RNU1-1: variants seen among roughly 807,000 people sequenced by gnomAD.
RNU1-1 encodes RNA, U1A small nuclear.
chr1:16,514,268 C>G (rs531609336), exon 1 of RNU1-1: 3 of 835,728 alleles, frequency 3.6e-6, no homozygotes, highest in South Asian at 1.1e-4. Context: ...CATGGTATCT[C>G]CCCTGCCAGG....
chr1:16,514,186 G>T (rs2087493329), exon 1 of RNU1-1: 1 of 152,852 alleles, frequency 6.5e-6, no homozygotes. Flanking sequence ...CCCACATTTG[G>T]GGAAATCGCA....
rs1260263443 is a variant in RNU1-1, at chr1:16,514,257, T to C, written n.29A>G. 4.6e-5 allele frequency: 32 copies of C among 688,472 alleles called. No homozygotes were observed. The South Asian group carries it at 1.4e-3, about 29-fold the overall frequency. The allele number at this position is 688,472 out of a possible 1,614,324, so 42.6% of individuals were successfully genotyped here. On this transcript the variant is annotated non_coding_transcript_exon_variant, in exon 1 of 1. Transcript: ENST00000383925. ...CGCCCTGGGAAAACCACCTTCGTGA[T>C]CATGGTATCTCCCCTGCCAGGTAAG...
chr1:16,514,194 G>C (rs374707028), exon 1 of RNU1-1: 1 of 153,102 alleles, frequency 6.5e-6, no homozygotes, highest in African/African-American at 2.4e-5. Context: ...TGGGGAAATC[G>C]CAGGGGTCAG....
chr1:16,514,270 C>T (rs58345664), exon 1 of RNU1-1: 61 of 856,594 alleles, frequency 7.1e-5, no homozygotes, highest in Middle Eastern at 5.8e-4. Context: ...TGGTATCTCC[C>T]CTGCCAGGTA....
At chr1:16,514,255 G>T (rs578141853) in exon 1 of RNU1-1, 5 of 668,798 alleles carry the variant, frequency 7.5e-6, no homozygotes, top group East Asian at 1.4e-4. Flanking sequence ...CCACCTTCGT[G>T]ATCATGGTAT....
chr1:16,514,182 T>C (rs1256955924), exon 1 of RNU1-1: 3 of 152,748 alleles, frequency 2.0e-5, no homozygotes, highest in African/African-American at 4.8e-5. Flanking sequence ...GTTTCCCACA[T>C]TTGGGGAAAT....
chr1:16,514,141 AGT>A (rs1300010004), exon 1 of RNU1-1: 1 of 152,372 alleles, frequency 6.6e-6, no homozygotes, highest in African/African-American at 2.4e-5. Flanking sequence ...GCGCGAACGC[AGT>A]CCCCCACTAC....
At chr1:16,514,272 T>G (rs1431415962) in exon 1 of RNU1-1, 2 of 882,052 alleles carry the variant, frequency 2.3e-6, no homozygotes, top group African/African-American at 1.8e-5. Flanking sequence ...GTATCTCCCC[T>G]GCCAGGTAAG....
rs1222052660 is a variant in RNU1-1 at position 16,514,265 on chromosome 1, T to C, written n.21A>G. The C allele has an allele frequency of 7.0e-5, 55 of 789,858 alleles. 1 individual carries two copies. The highest frequency in any genetic ancestry group is 2.3e-4 in the South Asian group (4 of 17,398). 48.9% of individuals were successfully genotyped at this position (789,858 alleles called of 1,614,324 possible). A position where few individuals can be genotyped will look rare whatever the true frequency, so the allele number is the denominator to read the frequency against. On this transcript the variant is annotated non_coding_transcript_exon_variant, in exon 1 of 1. Coordinates refer to ENST00000383925, the Ensembl canonical transcript of RNU1-1. ...GAAAACCACCTTCGTGATCATGGTATCTCCCCTGCCAGGTAAGTATGAAAC... is the reference window on the plus strand; with the variant it reads ...GAAAACCACCTTCGTGATCATGGTACCTCCCCTGCCAGGTAAGTATGAAAC...
exon 1 of RNU1-1, chr1:16,514,171 A>G (rs1393133923): frequency 2.0e-5 from 3 of 152,616 alleles, no homozygotes; most frequent in East Asian, 1.9e-4. Context: ...TATGCAGTCG[A>G]GTTTCCCACA....
chr1:16,514,263 T>G, exon 1 of RNU1-1: 1 of 753,606 alleles, frequency 1.3e-6, no homozygotes, highest in Non-Finnish European at 1.6e-6. Context: ...GTGATCATGG[T>G]ATCTCCCCTG....
exon 1 of RNU1-1, chr1:16,514,246 C>G: frequency 3.8e-6 from 2 of 529,002 alleles, no homozygotes; most frequent in Non-Finnish European, 4.8e-6. Flanking sequence ...CTGGGAAAAC[C>G]ACCTTCGTGA....
rs1438545590 is a variant in RNU1-1 at position 16,514,275 on chromosome 1, C to T, written n.11G>A. 3.2e-5 allele frequency: 29 copies of T among 898,554 alleles called. 1 individual carries two copies. Among genetic ancestry groups the T allele is most frequent in the Middle Eastern group, 5.6e-4 (1 of 1,794 alleles). The allele number at this position is 898,554 out of a possible 1,614,324, so 55.7% of individuals were successfully genotyped here. A position where few individuals can be genotyped will look rare whatever the true frequency, so the allele number is the denominator to read the frequency against. On this transcript the variant is annotated non_coding_transcript_exon_variant, in exon 1 of 1. Coordinates refer to ENST00000383925, the Ensembl canonical transcript of RNU1-1. Reference sequence around the variant, plus strand: ...TTCGTGATCATGGTATCTCCCCTGCCAGGTAAGTATGAAACGTTGTGCCTC... The same window carrying T: ...TTCGTGATCATGGTATCTCCCCTGCTAGGTAAGTATGAAACGTTGTGCCTC...
chr1:16,514,275 C>G, exon 1 of RNU1-1: 4 of 898,672 alleles, frequency 4.5e-6, no homozygotes, highest in East Asian at 1.2e-4. Flanking sequence ...TCTCCCCTGC[C>G]AGGTAAGTAT....
At chr1:16,514,222 G>C (rs546818714) in exon 1 of RNU1-1, 2 of 165,696 alleles carry the variant, frequency 1.2e-5, no homozygotes, top group East Asian at 1.9e-4. Context: ...GGAGTGCAAT[G>C]GATAAGCCTC....
chr1:16,514,203 A>C, exon 1 of RNU1-1: 1 of 154,026 alleles, frequency 6.5e-6, no homozygotes, highest in East Asian at 1.9e-4. Flanking sequence ...CGCAGGGGTC[A>C]GCACATCCGG....
exon 1 of RNU1-1, chr1:16,514,218 C>T (rs1393801891): frequency 5.7e-5 from 9 of 157,860 alleles, no homozygotes; most frequent in South Asian, 2.0e-4. Flanking sequence ...ATCCGGAGTG[C>T]AATGGATAAG....
exon 1 of RNU1-1, chr1:16,514,247 A>G (rs1426525420): frequency 1.9e-6 from 1 of 535,682 alleles, no homozygotes; most frequent in Non-Finnish European, 2.4e-6. Context: ...TGGGAAAACC[A>G]CCTTCGTGAT....
At chr1:16,514,251 T>A (rs1399812522) in exon 1 of RNU1-1, 1 of 611,698 alleles carries the variant, frequency 1.6e-6, no homozygotes, top group African/African-American at 2.0e-5. Context: ...AAAACCACCT[T>A]CGTGATCATG....
Sources: allele counts gnomAD v4.1 joint callset, GRCh38; gene constraint gnomAD v4.1.1; transcripts MANE v1.5; gene names NCBI Gene and HGNC (gene_info 2026-07-23, HGNC 2026-07-21).